ASIC2: variants seen among roughly 807,000 people sequenced by gnomAD.
ASIC2 encodes acid-sensing ion channel 2.
Under a neutral mutation model 57.3 loss-of-function variants are expected in ASIC2, and 25 were observed. The ratio of observed to expected loss-of-function variants is 0.44; its 90% CI spans 0.32 to 0.61. The LOEUF (loss-of-function observed/expected upper bound fraction) is 0.61. Among genes scored for constraint, ASIC2 ranks in the 20% least tolerant of loss-of-function variants. ASIC2 has a pLI of 0.06. For synonymous variants in ASIC2, 319 were observed against 307.5 expected (o/e 1.04, Z -0.39); for missense variants, 641 against 738.1 (o/e 0.87, Z 1.52).
chr17:34,108,081 C>CT (rs954048406), intron 1 of ASIC2, among the ~76,000 whole-genome samples: 17 of 151,850 alleles, frequency 1.1e-4, no homozygotes, highest in Non-Finnish European at 1.9e-4. Context: ...TTGTATCTCG[C>CT]TTTTTTTTAC....
chr17:33,877,885 A>G (rs1473945917), intron 1 of ASIC2, among the ~76,000 whole-genome samples: 1 of 152,202 alleles, frequency 6.6e-6, no homozygotes, highest in Non-Finnish European at 1.5e-5. Context: ...CACCTCACAC[A>G]GCTGGGTACT....
At chr17:33,047,357 T>C (rs2091959784) in intron 3 of ASIC2, among the ~76,000 whole-genome samples, 1 of 152,086 alleles carries the variant, frequency 6.6e-6, no homozygotes, top group South Asian at 2.1e-4. Context: ...TGTTTTTTTT[T>C]AGAGACAGGG....
At chr17:33,873,404 G>A (rs1453737983) in intron 1 of ASIC2, among the ~76,000 whole-genome samples, 1 of 152,186 alleles carries the variant, frequency 6.6e-6, no homozygotes, top group Admixed American at 6.5e-5. Flanking sequence ...GGCTCATGCT[G>A]AGTAGTGAGT....
chr17:33,744,181 G>T (rs958326211), intron 1 of ASIC2, among the ~76,000 whole-genome samples: 2 of 152,190 alleles, frequency 1.3e-5, no homozygotes, highest in Non-Finnish European at 2.9e-5. Flanking sequence ...TCACTAGAAA[G>T]AACCAGAGAA....
intron 1 of ASIC2, among the ~76,000 whole-genome samples, chr17:34,113,249 T>C (rs993833741): frequency 1.3e-5 from 2 of 152,064 alleles, no homozygotes; most frequent in African/African-American, 4.8e-5. Context: ...AGAGAGAATA[T>C]TATTGAGATT....
At chr17:34,145,664 T>A (rs1912396355) in intron 1 of ASIC2, among the ~76,000 whole-genome samples, 2 of 152,226 alleles carry the variant, frequency 1.3e-5, no homozygotes, top group Non-Finnish European at 2.9e-5. Flanking sequence ...CTCTTCTCTA[T>A]GATTGCCTTC....
chr17:33,269,543 G>A (rs1904360563), intron 1 of ASIC2, among the ~76,000 whole-genome samples: 1 of 152,110 alleles, frequency 6.6e-6, no homozygotes, highest in African/African-American at 2.4e-5. Context: ...AGGCCCCCAG[G>A]AAGCCAGCTG....
intron 1 of ASIC2, among the ~76,000 whole-genome samples, chr17:33,736,501 G>A (rs986154642): frequency 1.1e-4 from 16 of 152,154 alleles, no homozygotes; most frequent in African/African-American, 3.1e-4. Flanking sequence ...TATGGAGACC[G>A]TGAAGATCCC....
intron 3 of ASIC2, among the ~76,000 whole-genome samples, chr17:33,076,495 C>A (rs2092089566): frequency 6.6e-6 from 1 of 152,194 alleles, no homozygotes; most frequent in Admixed American, 6.5e-5. Flanking sequence ...TATAAATATG[C>A]CAGGGATCCA....
At chr17:33,731,365 G>A (rs1208725008) in intron 1 of ASIC2, among the ~76,000 whole-genome samples, 1 of 152,160 alleles carries the variant, frequency 6.6e-6, no homozygotes, top group African/African-American at 2.4e-5. Context: ...CCTTGCATTA[G>A]AACAGAATTG....
At chr17:33,474,591 G>A (rs1018457469) in intron 1 of ASIC2, among the ~76,000 whole-genome samples, 21 of 152,168 alleles carry the variant, frequency 1.4e-4, no homozygotes, top group African/African-American at 5.1e-4. Context: ...CTTGAGAGGG[G>A]CAGGCGCACA....
At chr17:33,428,175 G>A (rs569725061) in intron 1 of ASIC2, among the ~76,000 whole-genome samples, 6 of 152,196 alleles carry the variant, frequency 3.9e-5, no homozygotes, top group South Asian at 2.1e-4. Context: ...CAACACATAC[G>A]TTTTGTTTTA....
intron 1 of ASIC2, among the ~76,000 whole-genome samples, chr17:33,917,074 C>G (rs1215153008): frequency 1.3e-5 from 2 of 152,194 alleles, no homozygotes; most frequent in East Asian, 3.9e-4. Context: ...ACCTGATTCC[C>G]CTTGACTTGG....
chr17:33,022,801 A>T (rs2091842339), intron 6 of ASIC2, among the ~76,000 whole-genome samples: 3 of 152,374 alleles, frequency 2.0e-5, no homozygotes, highest in Admixed American at 6.5e-5. Context: ...GGTAACAAAC[A>T]AGGAAACACA....
intron 1 of ASIC2, among the ~76,000 whole-genome samples, chr17:33,624,796 G>A (rs1428429087): frequency 3.3e-5 from 5 of 152,196 alleles, no homozygotes; most frequent in African/African-American, 1.2e-4. Context: ...ATAGGGCTAA[G>A]CATTTGGGGT....
intron 1 of ASIC2, among the ~76,000 whole-genome samples, chr17:33,656,538 T>A (rs1451423670): frequency 1.3e-5 from 2 of 152,166 alleles, no homozygotes; most frequent in African/African-American, 4.8e-5. Context: ...ACTTAGTGGG[T>A]ATCTCCAAAC....
At chr17:33,954,207 G>A (rs767668641) in intron 1 of ASIC2, among the ~76,000 whole-genome samples, 47 of 152,164 alleles carry the variant, frequency 3.1e-4, no homozygotes, top group Non-Finnish European at 6.0e-4. Flanking sequence ...ATGCAGCAGC[G>A]GTCAATGCAA....
intron 3 of ASIC2, among the ~76,000 whole-genome samples, chr17:33,047,157 T>C (rs936513058): frequency 1.3e-5 from 2 of 152,222 alleles, no homozygotes; most frequent in Non-Finnish European, 2.9e-5. Context: ...GCATAAAACA[T>C]GTGTGGCTTT....
intron 1 of ASIC2, among the ~76,000 whole-genome samples, chr17:33,560,918 C>A (rs186972311): frequency 1.3e-5 from 2 of 152,310 alleles, no homozygotes; most frequent in Admixed American, 1.3e-4. Flanking sequence ...CCAGATTTAT[C>A]TAATTCCAAA....
Sources: allele counts gnomAD v4.1 joint callset (sites outside exome capture counted in the v4.1 genomes callset), GRCh38; gene constraint gnomAD v4.1.1; transcripts MANE v1.5; gene names NCBI Gene and HGNC (gene_info 2026-07-23, HGNC 2026-07-21).